Variants in JCAD observed in about 807,000 individuals in gnomAD.
JCAD encodes the protein junctional cadherin 5-associated protein.
JCAD carries 40 observed loss-of-function variants against 98.0 expected under a neutral mutation model. The observed-to-expected ratio is 0.41, with a 90% confidence interval of 0.32 to 0.53. JCAD has a LOEUF of 0.53. JCAD is among the 20% of genes least tolerant of loss of function. The pLI is 0.31. For synonymous variants in JCAD, 691 were observed against 682.3 expected, an observed-to-expected ratio of 1.01 and a Z score of -0.20; for missense variants, 1,705 against 1,738.1, an observed-to-expected ratio of 0.98 and a Z score of 0.34.
rs61421356 is a variant in JCAD, at chr10:30,050,314, C to CAA, written c.-59-2445_-59-2444dup. Reference sequence around the variant, plus strand: ...TGAGTGACACAGCAAGACCCTGTCTCAAAAAAAAAAAAAAAAAAAAAAAAA... The same window carrying CAA: ...TGAGTGACACAGCAAGACCCTGTCTCAAAAAAAAAAAAAAAAAAAAAAAAAAA... On this transcript the variant is annotated intron_variant, in intron 1 of 3. Coordinates refer to ENST00000375377, the MANE Select transcript of JCAD (RefSeq NM_020848.4). 1.1e-3 allele frequency among the ~76,000 whole-genome samples: 47 copies of CAA among 41,736 alleles called. 1 individual carries two copies. Among genetic ancestry groups the CAA allele is most frequent in the African/African-American group, 1.5e-3 (21 of 13,920 alleles). 27.4% of individuals were successfully genotyped at this position (41,736 alleles called of 152,430 possible). A position where few individuals can be genotyped will look rare whatever the true frequency, so the allele number is the denominator to read the frequency against.
At chr10:30,062,549 C>T (rs1837715989), upstream of JCAD, among the ~76,000 whole-genome samples, 1 of 152,040 alleles carries the variant, frequency 6.6e-6, no homozygotes, top group Non-Finnish European at 1.5e-5. Context: ...ATTCTATTCC[C>T]ATGCTGCTAA....
At chr10:30,066,347 C>A (rs1361963344) in intron 2 of JCAD, among the ~76,000 whole-genome samples, 3 of 152,168 alleles carry the variant, frequency 2.0e-5, no homozygotes, top group Admixed American at 2.0e-4. Flanking sequence ...ATTGTTTGCT[C>A]TCCTCGTGTC....
Position 30,023,568 on chromosome 10 carries a change from G to A in JCAD, c.4045+2535C>T, listed in dbSNP as rs145001410. On this transcript the variant is annotated intron_variant, in intron 3 of 3. Coordinates refer to ENST00000375377, the MANE Select transcript of JCAD (RefSeq NM_020848.4). ...CTAATGATGCATTTCTCAGAGTGCA[G>A]CCCCATTAAGCGACGCATGACTGTA... Among the ~76,000 whole-genome samples the A allele has an allele frequency of 1.9e-3, 284 of 152,276 alleles. 3 individuals are homozygous for A. Among genetic ancestry groups the A allele is most frequent in the African/African-American group, 6.4e-3 (266 of 41,550 alleles).
chr10:30,051,276 A>G (rs56172158), intron 1 of JCAD, among the ~76,000 whole-genome samples: 97 of 113,184 alleles, frequency 8.6e-4, no homozygotes, highest in Non-Finnish European at 3.3e-4. Context: ...ACGCACGCAC[A>G]CACGCACGCA....
intron 1 of JCAD, among the ~76,000 whole-genome samples, chr10:30,053,469 G>T (rs1837508892): frequency 6.6e-6 from 1 of 151,666 alleles, no homozygotes; most frequent in African/African-American, 2.4e-5. Flanking sequence ...GCTGAGGTGG[G>T]AGGATCCTTT....
intron 2 of JCAD, among the ~76,000 whole-genome samples, chr10:30,035,009 C>T (rs957104150): frequency 1.3e-5 from 2 of 152,126 alleles, no homozygotes; most frequent in African/African-American, 4.8e-5. Context: ...GATTGCATGA[C>T]TTTAGGGAGG....
chr10:30,108,950 C>A (rs530408912), intron 1 of JCAD, among the ~76,000 whole-genome samples: 1 of 152,072 alleles, frequency 6.6e-6, no homozygotes, highest in Non-Finnish European at 1.5e-5. Context: ...TTTTCTCTGT[C>A]CTGAATCTGT....
intron 3 of JCAD, 42 bp downstream of exon 3, chr10:30,026,061 C>T (rs749862254): frequency 1.9e-6 from 3 of 1,612,508 alleles, no homozygotes; most frequent in East Asian, 2.2e-5. Flanking sequence ...CTAAAAACTC[C>T]AAATGTATAC....
intron 1 of JCAD, among the ~76,000 whole-genome samples, chr10:30,048,972 C>T (rs1388628195): frequency 6.6e-6 from 1 of 152,154 alleles, no homozygotes; most frequent in Non-Finnish European, 1.5e-5. Flanking sequence ...TGCTATAGTA[C>T]CTGAATCAAC....
upstream of JCAD, among the ~76,000 whole-genome samples, chr10:30,061,911 G>A (rs904781716): frequency 6.6e-6 from 1 of 152,144 alleles, no homozygotes; most frequent in Non-Finnish European, 1.5e-5. Context: ...TGCCCAGCAT[G>A]GTGCAGACAC....
Position 30,113,243 on chromosome 10 carries a change from G to A in JCAD, n.128+2124C>T, listed in dbSNP as rs115075880. Reference sequence around the variant, plus strand: ...CTGATGCGGGAGGATATGAAACCTCGGTGAGGTACGCAAAAAGCCTCCCAG... The same window carrying A: ...CTGATGCGGGAGGATATGAAACCTCAGTGAGGTACGCAAAAAGCCTCCCAG... On this transcript the variant is annotated intron_variant and non_coding_transcript_variant, in intron 1 of 2. Coordinates refer to the JCAD transcript ENST00000465712. Among the ~76,000 whole-genome samples, 438 of 152,028 alleles carry A rather than the reference G, an allele frequency of 2.9e-3. 2 individuals carry two copies. The highest frequency in any genetic ancestry group is 9.5e-3 in the African/African-American group (395 of 41,448).
chr10:30,021,702 G>T (rs577900268), intron 3 of JCAD, among the ~76,000 whole-genome samples: 2 of 152,212 alleles, frequency 1.3e-5, no homozygotes, highest in South Asian at 4.1e-4. Flanking sequence ...ATCTCAATTT[G>T]CATGAGCCAT....
At position 30,015,206 on chromosome 10, in the gene JCAD, G is replaced by A. The variant is rs1479262593; in HGVS notation, c.*2677C>T. 3 of 152,058 alleles carry A rather than the reference G, an allele frequency of 2.0e-5. No homozygotes were observed. Among genetic ancestry groups the A allele is most frequent in the Non-Finnish European group, 4.4e-5 (3 of 68,016 alleles). 9.4% of individuals were successfully genotyped at this position (152,058 alleles called of 1,614,324 possible). A position where few individuals can be genotyped will look rare whatever the true frequency, so the allele number is the denominator to read the frequency against. On this transcript the variant is annotated 3_prime_UTR_variant, in exon 4 of 4. Coordinates refer to ENST00000375377, the MANE Select transcript of JCAD (RefSeq NM_020848.4). ...TCAAAATTACAACTTTTAATTTTAT[G>A]AGCTCCAAATTATTAAACACCAACA...
At chr10:30,040,234 C>T (rs1346083658) in intron 2 of JCAD, among the ~76,000 whole-genome samples, 1 of 152,196 alleles carries the variant, frequency 6.6e-6, no homozygotes, top group Non-Finnish European at 1.5e-5. Context: ...CTGGGGATGG[C>T]TGGTCTCTGA....
intron 1 of JCAD, chr10:30,115,310 C>G (rs990283265): frequency 6.6e-6 from 1 of 152,096 alleles, no homozygotes; most frequent in Non-Finnish European, 1.5e-5. Flanking sequence ...GATTACCGGC[C>G]CTATTTTCTT....
chr10:30,079,147 G>T (rs1176550838), intron 1 of JCAD, among the ~76,000 whole-genome samples: 1 of 152,088 alleles, frequency 6.6e-6, no homozygotes, highest in Non-Finnish European at 1.5e-5. Context: ...AGATCACGAG[G>T]TCAGGAGATG....
chr10:30,087,249 G>A (rs1564468194), intron 1 of JCAD, among the ~76,000 whole-genome samples: 1 of 152,016 alleles, frequency 6.6e-6, no homozygotes, highest in Non-Finnish European at 1.5e-5. Context: ...AGACTAGCCT[G>A]GCCAACATGG....
Position 30,028,460 on chromosome 10 carries a change from G to C in JCAD, c.1688C>G (p.Thr563Ser), listed in dbSNP as rs745868219. The change falls in exon 3 of 4, where the codon ACT becomes AGT. Residue 563 changes from threonine (T) to serine (S), a missense_variant. Thr to Ser is a moderately conservative substitution (Grantham distance 58). Transcript: ENST00000375377. ...TGAACTTTTCTTGGTCCGAGTCCCA[G>C]TTTGGAACTTTTTGAGCTTGGTTTG... ...ETQTKLKKFQ[T>S]GTRTKKSSKK... 2 of 1,614,230 alleles carry C rather than the reference G, an allele frequency of 1.2e-6. No homozygotes were observed. The highest frequency in any genetic ancestry group is 2.2e-5 in the South Asian group (2 of 91,090).
At chr10:30,103,618 AC>A (rs1838507916) in intron 1 of JCAD, among the ~76,000 whole-genome samples, 1 of 58,594 alleles carries the variant, frequency 1.7e-5, no homozygotes, top group Non-Finnish European at 3.4e-5. Flanking sequence ...ATAAATACAC[AC>A]ACACACACAC....
Sources: allele counts gnomAD v4.1 joint callset (sites outside exome capture counted in the v4.1 genomes callset), GRCh38; gene constraint gnomAD v4.1.1; transcripts MANE v1.5; gene names NCBI Gene and HGNC (gene_info 2026-07-23, HGNC 2026-07-21).